Variants in PHLDB2 observed in about 807,000 individuals in gnomAD.
PHLDB2 encodes the protein pleckstrin homology like domain family B member 2.
In PHLDB2, 71 loss-of-function variants were observed where a neutral mutation model predicts 123.6. That is an observed-to-expected ratio of 0.57 (90% CI 0.47 to 0.70). The LOEUF is 0.70. Among genes scored for constraint, PHLDB2 ranks in the 30% least tolerant of loss-of-function variants. PHLDB2 has a pLI of 0.00. For synonymous variants in PHLDB2, 547 were observed against 541.6 expected (o/e 1.01, Z -0.14); for missense variants, 1,446 against 1,519.5 (o/e 0.95, Z 0.80).
intron 9 of PHLDB2, among the ~76,000 whole-genome samples, chr3:111,948,220 C>T (rs1022750915): frequency 6.6e-6 from 1 of 151,988 alleles, no homozygotes. Flanking sequence ...GAAACATACC[C>T]TGGTTGCAAC....
At chr3:111,817,385 T>G (rs73226326) in intron 1 of PHLDB2, among the ~76,000 whole-genome samples, 4 of 152,084 alleles carry the variant, frequency 2.6e-5, no homozygotes, top group African/African-American at 9.7e-5. Context: ...TTCTTGCATA[T>G]AAGACGTGAA....
exon 1 of PHLDB2, chr3:111,732,623 C>A: frequency 1.3e-6 from 2 of 1,535,216 alleles, no homozygotes; most frequent in South Asian, 1.2e-5. Context: ...CTTCAGCAAT[C>A]GCTGGAACAG....
intron 1 of PHLDB2, among the ~76,000 whole-genome samples, chr3:111,814,608 C>A (rs2061986932): frequency 1.3e-5 from 2 of 148,918 alleles, no homozygotes; most frequent in Admixed American, 1.4e-4. Flanking sequence ...TAACAGAATA[C>A]CTGAAATGAA....
chr3:111,776,361 T>A (rs2060268029), intron 1 of PHLDB2, among the ~76,000 whole-genome samples: 1 of 152,186 alleles, frequency 6.6e-6, no homozygotes, highest in Non-Finnish European at 1.5e-5. Flanking sequence ...CATTTTAATA[T>A]AAGAAATTCC....
At chr3:111,817,415 A>G (rs2083447782) in intron 1 of PHLDB2, among the ~76,000 whole-genome samples, 1 of 152,186 alleles carries the variant, frequency 6.6e-6, no homozygotes, top group Admixed American at 6.5e-5. Flanking sequence ...ATACCAGCTG[A>G]CTTAAAGGTA....
At chr3:111,931,361 T>G (rs1656591583) in intron 5 of PHLDB2, among the ~76,000 whole-genome samples, 1 of 152,240 alleles carries the variant, frequency 6.6e-6, no homozygotes, top group Non-Finnish European at 1.5e-5. Context: ...TGTTTCTTAA[T>G]TTAAGAGGTA....
At position 111,834,942 on chromosome 3, in the gene PHLDB2, T is replaced by C. The variant is rs184439080; in HGVS notation, c.-48-10879T>C. 1.1e-4 allele frequency among the ~76,000 whole-genome samples: 17 copies of C among 152,238 alleles called. No homozygotes were observed. The East Asian group carries it at 2.7e-3, about 24-fold the overall frequency. On this transcript the variant is annotated intron_variant, in intron 1 of 17. Transcript: ENST00000393923. ...TCTACACATTATTGCCATAGTAATC[T>C]TCTCAAACCTTGCCTTATGCATATC... is the stretch of plus-strand genomic sequence containing the variant.
chr3:111,840,324 A>T (rs1553226), intron 1 of PHLDB2, among the ~76,000 whole-genome samples: 1 of 152,162 alleles, frequency 6.6e-6, no homozygotes, highest in East Asian at 1.9e-4. Context: ...GATAATATAC[A>T]ATTAATCTTC....
intron 1 of PHLDB2, among the ~76,000 whole-genome samples, chr3:111,744,830 A>T (rs1229800868): frequency 6.6e-6 from 1 of 152,202 alleles, no homozygotes; most frequent in Non-Finnish European, 1.5e-5. Flanking sequence ...AGGATGAATG[A>T]AAAGCTCTTA....
chr3:111,773,310 T>C (rs2060210132), intron 1 of PHLDB2, among the ~76,000 whole-genome samples: 1 of 152,152 alleles, frequency 6.6e-6, no homozygotes, highest in South Asian at 2.1e-4. Flanking sequence ...ATTTCCCAGG[T>C]GCCTTCAATT....
intron 5 of PHLDB2, among the ~76,000 whole-genome samples, chr3:111,927,580 A>G (rs1017892776): frequency 2.8e-4 from 43 of 152,246 alleles, no homozygotes; most frequent in Non-Finnish European, 2.1e-4. Context: ...TGTCAGAACT[A>G]GCAAACAGAA....
intron 5 of PHLDB2, among the ~76,000 whole-genome samples, chr3:111,927,083 G>A (rs987462570): frequency 3.3e-5 from 5 of 152,060 alleles, no homozygotes; most frequent in Non-Finnish European, 7.4e-5. Context: ...AAAGAAAAAC[G>A]AATTTCACAT....
At chr3:111,954,890 G>A (rs1296367607) in intron 12 of PHLDB2, among the ~76,000 whole-genome samples, 1 of 152,124 alleles carries the variant, frequency 6.6e-6, no homozygotes, top group Admixed American at 6.5e-5. Context: ...CTTTGGGGAT[G>A]GCAGGCATTT....
intron 1 of PHLDB2, among the ~76,000 whole-genome samples, chr3:111,755,826 T>C (rs1293027974): frequency 1.3e-5 from 2 of 150,240 alleles, no homozygotes; most frequent in East Asian, 2.0e-4. Flanking sequence ...GCTTTGAATG[T>C]GTCCCAGAGA....
intron 1 of PHLDB2, among the ~76,000 whole-genome samples, chr3:111,796,710 T>A (rs55865927): frequency 0.089 from 13,547 of 152,056 alleles, 1,275 homozygotes; most frequent in African/African-American, 0.24. Flanking sequence ...TATTTTTAGC[T>A]GAGACAGGGT....
intron 1 of PHLDB2, among the ~76,000 whole-genome samples, chr3:111,815,439 A>G (rs934762909): frequency 1.6e-4 from 24 of 152,296 alleles, no homozygotes; most frequent in African/African-American, 5.3e-4. Context: ...TATGGATAAT[A>G]AAGTCCAGGC....
chr3:111,821,210 T>G (rs139625888), intron 1 of PHLDB2, among the ~76,000 whole-genome samples: 16 of 152,334 alleles, frequency 1.1e-4, no homozygotes, highest in African/African-American at 3.6e-4. Context: ...ATGATAGATT[T>G]TGAATGTCTT....
chr3:111,825,920 ATTTAAG>A (rs1477428986), intron 1 of PHLDB2, among the ~76,000 whole-genome samples: 1 of 152,128 alleles, frequency 6.6e-6, no homozygotes, highest in African/African-American at 2.4e-5. Flanking sequence ...AAGAAGTGTA[ATTTAAG>A]TTTCATTTAA....
chr3:111,865,504 C>T (rs2065024766), intron 1 of PHLDB2, among the ~76,000 whole-genome samples: 1 of 152,140 alleles, frequency 6.6e-6, no homozygotes, highest in Non-Finnish European at 1.5e-5. Flanking sequence ...TAACCAGTAT[C>T]TGTGGGAGTC....
Sources: gnomAD v4.1 joint callset for allele counts (sites outside exome capture counted in the v4.1 genomes callset) on GRCh38, gnomAD v4.1.1 for gene constraint, MANE v1.5 for transcripts, NCBI Gene and HGNC (gene_info 2026-07-23, HGNC 2026-07-21) for gene names.